The following RBFOX1 variants were observed in gnomAD, a reference collection of about 807,000 sequenced individuals.
RBFOX1 encodes the protein RNA binding fox-1 homolog 1.
RBFOX1 carries 8 observed loss-of-function variants against 57.7 expected under a neutral mutation model. The observed-to-expected ratio is 0.14, with a 90% CI of 0.08 to 0.25. RBFOX1 has a LOEUF of 0.25. RBFOX1 is among the 10% of genes least tolerant of loss of function. The pLI, the probability that RBFOX1 is intolerant of heterozygous loss-of-function variation, is 1.00. For missense variants in RBFOX1, 611 were observed against 548.5 expected, an observed-to-expected ratio of 1.11 and a Z score of -1.14; for synonymous variants, 326 against 222.4, an observed-to-expected ratio of 1.47 and a Z score of -4.15.
intron 4 of RBFOX1, among the ~76,000 whole-genome samples, chr16:7,493,711 C>T (rs769543527): frequency 3.0e-4 from 46 of 152,216 alleles, no homozygotes; most frequent in Middle Eastern, 3.4e-3. Context: ...GCAAAGAAAC[C>T]GATGATCCTC....
intron 2 of RBFOX1, among the ~76,000 whole-genome samples, chr16:5,549,233 G>A (rs2045357814): frequency 6.6e-6 from 1 of 152,188 alleles, no homozygotes; most frequent in African/African-American, 2.4e-5. Context: ...GTCAGCATCT[G>A]GGAGAGCCTG....
At chr16:5,318,665 A>T (rs2064311080) in intron 1 of RBFOX1, among the ~76,000 whole-genome samples, 1 of 152,226 alleles carries the variant, frequency 6.6e-6, no homozygotes, top group African/African-American at 2.4e-5. Flanking sequence ...CAGACTTCTA[A>T]GATGGTCCCT....
intron 3 of RBFOX1, among the ~76,000 whole-genome samples, chr16:6,781,884 C>G (rs1252930970): frequency 6.6e-6 from 1 of 152,062 alleles, no homozygotes; most frequent in Non-Finnish European, 1.5e-5. Context: ...TGTATTTTCT[C>G]TCAATTTCAT....
chr16:6,786,069 C>G (rs900720098), intron 3 of RBFOX1, among the ~76,000 whole-genome samples: 3 of 152,198 alleles, frequency 2.0e-5, no homozygotes, highest in Non-Finnish European at 1.5e-5. Context: ...GTACCTGGGG[C>G]AGAAGCCTGT....
intron 3 of RBFOX1, among the ~76,000 whole-genome samples, chr16:6,963,109 G>A (rs189587113): frequency 9.9e-5 from 15 of 152,212 alleles, no homozygotes; most frequent in Admixed American, 7.2e-4. Flanking sequence ...GAGGAAGTCC[G>A]AGATTCACCT....
intron 4 of RBFOX1, among the ~76,000 whole-genome samples, chr16:7,085,913 T>C (rs1039599770): frequency 6.6e-6 from 1 of 152,166 alleles, no homozygotes; most frequent in African/African-American, 2.4e-5. Flanking sequence ...ATTCGGTTCT[T>C]GATGCTCTGT....
chr16:7,551,458 G>C lies in RBFOX1; in HGVS notation c.271-28319G>C, dbSNP rs548955824. ...AAGGAATATTTGGGGCGCACTTGCT[G>C]GGTGAAAGCCATGAGACACTGGAGA... is the stretch of plus-strand genomic sequence containing the variant. On this transcript the variant is annotated intron_variant, in intron 5 of 15. Coordinates refer to ENST00000550418, the MANE Select transcript of RBFOX1 (RefSeq NM_018723.4). Among the ~76,000 whole-genome samples the C allele has an allele frequency of 2.5e-4, 38 of 152,316 alleles. 1 individual carries two copies. The highest frequency in any genetic ancestry group is 7.5e-4 in the African/African-American group (31 of 41,562).
chr16:5,601,930 C>A (rs368460137), downstream of RBFOX1, among the ~76,000 whole-genome samples: 1 of 152,224 alleles, frequency 6.6e-6, no homozygotes, highest in African/African-American at 2.4e-5. Context: ...CAACCTCACT[C>A]ATGGAGGCTG....
intron 3 of RBFOX1, among the ~76,000 whole-genome samples, chr16:6,683,002 G>C (rs561823539): frequency 7.2e-5 from 11 of 152,036 alleles, no homozygotes; most frequent in Non-Finnish European, 1.5e-4. Flanking sequence ...ACACAGCTGG[G>C]CAAGGAGTGA....
intron 4 of RBFOX1, among the ~76,000 whole-genome samples, chr16:5,870,609 G>C (rs1597578626): frequency 6.6e-6 from 1 of 150,626 alleles, no homozygotes; most frequent in East Asian, 1.9e-4. Context: ...AGATGGAACA[G>C]TTTTTTTTAG....
intron 4 of RBFOX1, among the ~76,000 whole-genome samples, chr16:7,091,853 A>C (rs897835263): frequency 3.3e-5 from 5 of 152,250 alleles, no homozygotes; most frequent in African/African-American, 9.6e-5. Context: ...TATGTGGATC[A>C]GAGATTATGC....
chr16:7,567,937 A>G (rs1466889432), intron 5 of RBFOX1, among the ~76,000 whole-genome samples: 4 of 151,216 alleles, frequency 2.6e-5, no homozygotes, highest in Non-Finnish European at 5.9e-5. Context: ...ACCTAAAATT[A>G]AAGCTGGATA....
chr16:6,951,009 G>T (rs1020076603), intron 3 of RBFOX1, among the ~76,000 whole-genome samples: 1 of 151,756 alleles, frequency 6.6e-6, no homozygotes. Context: ...AGGCTCCAGC[G>T]ATCCTCCCAC....
intron 1 of RBFOX1, among the ~76,000 whole-genome samples, chr16:6,220,636 C>T (rs950974011): frequency 6.6e-6 from 1 of 151,986 alleles, no homozygotes; most frequent in African/African-American, 2.4e-5. Context: ...AGAGCTGTTT[C>T]TTCTAAGAGC....
At chr16:6,635,411 C>T (rs1270988824) in intron 2 of RBFOX1, among the ~76,000 whole-genome samples, 1 of 151,916 alleles carries the variant, frequency 6.6e-6, no homozygotes, top group Non-Finnish European at 1.5e-5. Context: ...CATGCAGGAC[C>T]AAAGACTTGG....
chr16:7,674,535 C>T (rs761287748), intron 13 of RBFOX1, among the ~76,000 whole-genome samples: 10 of 152,122 alleles, frequency 6.6e-5, no homozygotes, highest in Non-Finnish European at 1.5e-4. Flanking sequence ...GTGATCTTAA[C>T]CCTGGAATCA....
chr16:7,241,139 C>G (rs1452082633), intron 4 of RBFOX1, among the ~76,000 whole-genome samples: 2 of 152,158 alleles, frequency 1.3e-5, no homozygotes, highest in Non-Finnish European at 2.9e-5. Flanking sequence ...GAAGTATCCC[C>G]TGCATTTGGA....
Position 7,705,457 on chromosome 16 carries a change from A to G in RBFOX1, c.996-3599A>G, listed in dbSNP as rs11859526. ...GGGACGGAGCTTGCAGTGAGCCAAG[A>G]TTGTGCCACTGCACTCCAGCCTTAG... On this transcript the variant is annotated intron_variant, in intron 14 of 15. Transcript: ENST00000550418. 8.9e-3 allele frequency among the ~76,000 whole-genome samples: 1,361 copies of G among 152,294 alleles called. 27 individuals carry two copies. Among genetic ancestry groups the G allele is most frequent in the African/African-American group, 0.032 (1,318 of 41,558 alleles).
At chr16:7,448,927 GTTTTTTTTTT>G in intron 4 of RBFOX1, among the ~76,000 whole-genome samples, 1 of 82,978 alleles carries the variant, frequency 1.2e-5, no homozygotes, top group South Asian at 4.6e-4. Flanking sequence ...TCTTTCCCCT[GTTTTTTTTTT>G]TTTTTTTTTG....
Sources: allele counts gnomAD v4.1 joint callset (sites outside exome capture counted in the v4.1 genomes callset), GRCh38; gene constraint gnomAD v4.1.1; transcripts MANE v1.5; gene names NCBI Gene and HGNC (gene_info 2026-07-23, HGNC 2026-07-21).